The following NUAK1 variants were observed in gnomAD, a reference collection of about 807,000 sequenced individuals.
NUAK1 encodes NUAK family kinase 1.
NUAK1 carries 26 observed loss-of-function variants against 56.9 expected under a neutral mutation model. The observed-to-expected ratio is 0.46, with a 90% CI of 0.33 to 0.63. NUAK1 has a LOEUF of 0.63. Ranked by LOEUF, NUAK1 falls within the 30% of genes least tolerant of loss-of-function variation. The probability of loss-of-function intolerance (pLI) is 0.02; values close to 1 mark genes in which losing one functional copy is unlikely to be tolerated. For synonymous variants in NUAK1, 337 were observed against 336.0 expected (o/e 1.00, Z -0.03); for missense variants, 727 against 876.1 (o/e 0.83, Z 2.15).
chr12:106,133,634 G>C (rs1268078482), intron 1 of NUAK1, among the ~76,000 whole-genome samples: 2 of 152,180 alleles, frequency 1.3e-5, no homozygotes, highest in African/African-American at 2.4e-5. Context: ...AGTTAAGTGA[G>C]GGAAAATGTC....
At chr12:106,081,422 G>A (rs183019855) in intron 4 of NUAK1, among the ~76,000 whole-genome samples, 2 of 152,360 alleles carry the variant, frequency 1.3e-5, no homozygotes, top group Non-Finnish European at 2.9e-5. Flanking sequence ...ACGTATGTGT[G>A]CATGCACACC....
chr12:106,117,949 T>C (rs996899349), intron 1 of NUAK1, among the ~76,000 whole-genome samples: 2 of 152,184 alleles, frequency 1.3e-5, no homozygotes, highest in African/African-American at 4.8e-5. Context: ...CAATAAATAT[T>C]TGTTGAGCTT....
At chr12:106,080,049 C>G (rs1016522378) in intron 4 of NUAK1, among the ~76,000 whole-genome samples, 1 of 152,216 alleles carries the variant, frequency 6.6e-6, no homozygotes, top group African/African-American at 2.4e-5. Context: ...GATATATACA[C>G]ACAACACATG....
At chr12:106,090,904 GA>G (rs1279515117) in intron 2 of NUAK1, among the ~76,000 whole-genome samples, 1 of 152,188 alleles carries the variant, frequency 6.6e-6, no homozygotes, top group African/African-American at 2.4e-5. Flanking sequence ...AAGGACCTTA[GA>G]GATTGGGTGT....
At chr12:106,091,047 G>A (rs1375344657) in intron 2 of NUAK1, among the ~76,000 whole-genome samples, 1 of 152,198 alleles carries the variant, frequency 6.6e-6, no homozygotes, top group East Asian at 1.9e-4. Flanking sequence ...CTATCTACAA[G>A]GTGACAGGGA....
At chr12:106,075,010 GGGCAC>G (rs1224710015) in intron 4 of NUAK1, among the ~76,000 whole-genome samples, 1 of 152,032 alleles carries the variant, frequency 6.6e-6, no homozygotes, top group Non-Finnish European at 1.5e-5. Flanking sequence ...GCAGTGCCTG[GGGCAC>G]CATATGAGCT....
chr12:106,092,400 C>A (rs2032644707), intron 2 of NUAK1, among the ~76,000 whole-genome samples: 1 of 151,920 alleles, frequency 6.6e-6, no homozygotes. Context: ...CACCTGTAAT[C>A]CCAGCTACTC....
intron 2 of NUAK1, among the ~76,000 whole-genome samples, chr12:106,098,898 A>G (rs571707262): frequency 6.6e-6 from 1 of 152,262 alleles, no homozygotes; most frequent in East Asian, 1.9e-4. Flanking sequence ...TGAAAGCTCC[A>G]GTGGGCACTT....
intron 2 of NUAK1, among the ~76,000 whole-genome samples, chr12:106,100,359 C>T (rs2032734924): frequency 6.6e-6 from 1 of 152,002 alleles, no homozygotes; most frequent in Non-Finnish European, 1.5e-5. Flanking sequence ...GTCCCTTCTA[C>T]CCATATAAGT....
At position 106,138,321 on chromosome 12, in the gene NUAK1, C is replaced by G; in HGVS notation, c.240+93G>C. The stretch of plus-strand genomic sequence containing the variant: ...ATGAGCCCCCTCTCTGTCAAGAGAG[C>G]CCCAGGGCGCACAGACCCCCGCCTC... On this transcript the variant is annotated intron_variant, in intron 1 of 6. Coordinates refer to ENST00000261402, the MANE Select transcript of NUAK1 (RefSeq NM_014840.3). The surrounding 1 kb of genome is among the most constrained non-coding windows in gnomAD (Gnocchi z 5.0). 1 of 1,472,664 alleles carries G rather than the reference C, an allele frequency of 6.8e-7. No homozygotes were observed. Among genetic ancestry groups the G allele is most frequent in the Non-Finnish European group, 9.0e-7 (1 of 1,114,936 alleles). The allele number at this position is 1,472,664 out of a possible 1,614,324, so 91.2% of individuals were successfully genotyped here. A position where few individuals can be genotyped will look rare whatever the true frequency, so the allele number is the denominator to read the frequency against.
chr12:106,092,755 G>A (rs141860147), intron 2 of NUAK1, among the ~76,000 whole-genome samples: 83 of 152,110 alleles, frequency 5.5e-4, no homozygotes, highest in African/African-American at 1.6e-3. Flanking sequence ...ACATCTGTAC[G>A]CATTTTTGTT....
intron 6 of NUAK1, among the ~76,000 whole-genome samples, chr12:106,069,841 A>G (rs1305578878): frequency 3.3e-5 from 5 of 152,210 alleles, no homozygotes; most frequent in African/African-American, 7.2e-5. Flanking sequence ...TGAAGTGCCA[A>G]TGTTAACTTC....
intron 1 of NUAK1, among the ~76,000 whole-genome samples, chr12:106,122,868 C>A (rs547484503): frequency 6.6e-6 from 1 of 152,342 alleles, no homozygotes; most frequent in South Asian, 2.1e-4. Context: ...GAGATTCCCA[C>A]ATCCCTGAAA....
At position 106,063,715 on chromosome 12, in the gene NUAK1, C is replaced by A. The variant is rs2136452675; in HGVS notation, c.*3087G>T. ...TTTTTTTTAATGTGCAGTCAAGTTT[C>A]TCTCTTTTTTTCTTCTAGGAATGAT... is the stretch of plus-strand genomic sequence containing the variant. On this transcript the variant is annotated 3_prime_UTR_variant, in exon 7 of 7. Coordinates refer to ENST00000261402, the MANE Select transcript of NUAK1 (RefSeq NM_014840.3). 1 of 149,852 alleles carries A rather than the reference C, an allele frequency of 6.7e-6. No homozygotes were observed. The highest frequency in any genetic ancestry group is 2.5e-5 in the African/African-American group (1 of 40,508). The allele number at this position is 149,852 out of a possible 1,614,324, so 9.3% of individuals were successfully genotyped here.
At chr12:106,082,495 C>G (rs2032527190) in intron 4 of NUAK1, among the ~76,000 whole-genome samples, 1 of 152,210 alleles carries the variant, frequency 6.6e-6, no homozygotes, top group Non-Finnish European at 1.5e-5. Context: ...TTCCCAGTGT[C>G]AAGAAGCTAG....
Position 106,083,926 on chromosome 12 carries a change from C to T in NUAK1, c.517G>A (p.Gly173Ser), listed in dbSNP as rs1011001756. The change falls in exon 4 of 7, where the codon GGT becomes AGT. Residue 173 changes from glycine to serine, a missense_variant. Physicochemically the swap from Gly to Ser is moderately conservative, Grantham distance 56 (BLOSUM62 0). Transcript: ENST00000261402. ...AGCTTCAAGTCCCGGTGGACCACAC[C>T]GTTCTGAAATGAGAAGACAAAGAGG... ...VSAVHYCHKN[G>S]VVHRDLKLEN... 5.0e-6 allele frequency: 8 copies of T among 1,613,712 alleles called. No homozygotes were observed. Among genetic ancestry groups the T allele is most frequent in the African/African-American group, 1.3e-5 (1 of 74,994 alleles).
At chr12:106,118,403 G>T (rs2032940550) in intron 1 of NUAK1, among the ~76,000 whole-genome samples, 1 of 152,214 alleles carries the variant, frequency 6.6e-6, no homozygotes, top group African/African-American at 2.4e-5. Flanking sequence ...GAAATATGTG[G>T]TAAGGAAGAA....
At chr12:106,108,866 T>C (rs1317319889) in intron 1 of NUAK1, among the ~76,000 whole-genome samples, 1 of 152,168 alleles carries the variant, frequency 6.6e-6, no homozygotes, top group Non-Finnish European at 1.5e-5. Context: ...GAGGGTCCCA[T>C]GGTGCAATCG....
intron 1 of NUAK1, among the ~76,000 whole-genome samples, chr12:106,122,525 G>C (rs1211410996): frequency 6.6e-6 from 1 of 152,120 alleles, no homozygotes; most frequent in Non-Finnish European, 1.5e-5. Context: ...GTAATTGTTT[G>C]CCATTATTAT....
Sources: allele counts gnomAD v4.1 joint callset (sites outside exome capture counted in the v4.1 genomes callset), GRCh38; gene constraint gnomAD v4.1.1; non-coding constraint Gnocchi (gnomAD v3.1); transcripts MANE v1.5; gene names NCBI Gene and HGNC (gene_info 2026-07-23, HGNC 2026-07-21).